The following GPC5 variants were observed in gnomAD, a reference collection of about 807,000 sequenced individuals.
GPC5 encodes glypican 5, also known as glypican-5.
GPC5 carries 47 observed loss-of-function variants against 53.9 expected under a neutral mutation model. The observed-to-expected ratio is 0.87, with a 90% CI of 0.69 to 1.11. The LOEUF (loss-of-function observed/expected upper bound fraction) is 1.11. GPC5 is among the 50% of genes most tolerant of loss of function. The pLI, the probability that GPC5 is intolerant of heterozygous loss-of-function variation, is 0.00. For missense variants in GPC5, 748 were observed against 713.1 expected (o/e 1.05, Z -0.56); for synonymous variants, 286 against 263.3 (o/e 1.09, Z -0.84).
chr13:91,811,911 C>A (rs1314771785), intron 5 of GPC5, among the ~76,000 whole-genome samples: 10 of 152,206 alleles, frequency 6.6e-5, no homozygotes, highest in Non-Finnish European at 2.9e-5. Flanking sequence ...TCTAAATACA[C>A]TTCAACACTC....
At chr13:92,076,462 AT>A (rs2041253137) in intron 6 of GPC5, among the ~76,000 whole-genome samples, 1 of 152,192 alleles carries the variant, frequency 6.6e-6, no homozygotes, top group African/African-American at 2.4e-5. Flanking sequence ...TAATTGCCAA[AT>A]ATCTGAATTC....
At chr13:92,559,052 C>G (rs1882601966) in intron 7 of GPC5, among the ~76,000 whole-genome samples, 1 of 151,922 alleles carries the variant, frequency 6.6e-6, no homozygotes, top group Non-Finnish European at 1.5e-5. Context: ...CCTCCTCTTT[C>G]AAATCCTGCT....
chr13:92,782,071 A>G (rs2138762987), intron 7 of GPC5, among the ~76,000 whole-genome samples: 1 of 145,248 alleles, frequency 6.9e-6, no homozygotes, highest in Admixed American at 6.9e-5. Flanking sequence ...AGGGGAAGGG[A>G]ACGGGAAGGG....
intron 5 of GPC5, among the ~76,000 whole-genome samples, chr13:91,873,956 A>C (rs2039175743): frequency 6.6e-6 from 1 of 152,182 alleles, no homozygotes; most frequent in African/African-American, 2.4e-5. Context: ...TGCTGGGGTC[A>C]CAGGCATGAT....
At chr13:92,190,839 A>G (rs924569438) in intron 7 of GPC5, among the ~76,000 whole-genome samples, 3 of 152,122 alleles carry the variant, frequency 2.0e-5, no homozygotes, top group Non-Finnish European at 1.5e-5. Context: ...GAAAATTATA[A>G]CAAATACGGT....
At chr13:91,521,970 A>G (rs1456921055) in intron 2 of GPC5, among the ~76,000 whole-genome samples, 1 of 152,246 alleles carries the variant, frequency 6.6e-6, no homozygotes, top group Non-Finnish European at 1.5e-5. Flanking sequence ...TCTGTCTACC[A>G]GTTTATTATA....
intron 7 of GPC5, among the ~76,000 whole-genome samples, chr13:92,461,634 G>T (rs189988769): frequency 5.3e-5 from 8 of 152,288 alleles, no homozygotes; most frequent in African/African-American, 1.7e-4. Flanking sequence ...GGCAATAAGG[G>T]CTGAGCCCTC....
chr13:92,709,504 T>G (rs1479165310), intron 7 of GPC5: 1 of 152,218 alleles, frequency 6.6e-6, no homozygotes, highest in Admixed American at 6.5e-5. Flanking sequence ...ATGTTAATGC[T>G]TCTGAGTCAG....
At chr13:92,205,890 T>C (rs968001028) in intron 7 of GPC5, among the ~76,000 whole-genome samples, 10 of 151,642 alleles carry the variant, frequency 6.6e-5, no homozygotes, top group African/African-American at 2.2e-4. Flanking sequence ...CTACTAAAAA[T>C]ACAAAAATTA....
intron 7 of GPC5, among the ~76,000 whole-genome samples, chr13:92,652,397 A>C (rs952591421): frequency 6.6e-6 from 1 of 152,288 alleles, no homozygotes; most frequent in African/African-American, 2.4e-5. Flanking sequence ...TATGCCTTTT[A>C]GTTACCCTGT....
At chr13:92,277,009 T>C (rs1594059509) in intron 7 of GPC5, among the ~76,000 whole-genome samples, 2 of 152,142 alleles carry the variant, frequency 1.3e-5, no homozygotes, top group East Asian at 3.9e-4. Context: ...TTTTTTTCTT[T>C]ACTTTATATT....
At chr13:91,647,216 C>A (rs1169421313) in intron 2 of GPC5, among the ~76,000 whole-genome samples, 1 of 151,556 alleles carries the variant, frequency 6.6e-6, no homozygotes, top group Non-Finnish European at 1.5e-5. Context: ...ATAATGTGCA[C>A]CTCTGTATAA....
intron 7 of GPC5, among the ~76,000 whole-genome samples, chr13:92,742,093 T>G (rs1191369842): frequency 6.6e-6 from 1 of 151,930 alleles, no homozygotes; most frequent in African/African-American, 2.4e-5. Context: ...CCTTTGGGTA[T>G]ATACCCAGTA....
At position 92,103,788 on chromosome 13, in the gene GPC5, T is replaced by A. The variant is rs552120912; in HGVS notation, c.1402-41042T>A. Among the ~76,000 whole-genome samples, 5 of 152,336 alleles carry A rather than the reference T, an allele frequency of 3.3e-5. No homozygotes were observed. In the South Asian group the frequency reaches 1.0e-3, roughly 32 times the overall value. On this transcript the variant is annotated intron_variant, in intron 6 of 7. Coordinates refer to ENST00000377067, the MANE Select transcript of GPC5 (RefSeq NM_004466.6). ...GTTTACAACCCTTAGCCATAACTTC[T>A]TGCTTTGAGCCTCGAGGTCAGCCAG...
rs77962092 is a variant in GPC5, at chr13:92,490,529, T to A, written c.1561+345540T>A. Among the ~76,000 whole-genome samples the A allele has an allele frequency of 9.0e-3, 1,366 of 152,154 alleles. 19 individuals are homozygous for A. Among genetic ancestry groups the A allele is most frequent in the African/African-American group, 0.031 (1,303 of 41,534 alleles). On this transcript the variant is annotated intron_variant, in intron 7 of 7. Coordinates refer to ENST00000377067, the MANE Select transcript of GPC5 (RefSeq NM_004466.6). ...GAAGACTGGCTCTACCACTTAATGG[T>A]TGTATAATAGTAAACACTTTGGTAA...
intron 7 of GPC5, among the ~76,000 whole-genome samples, chr13:92,146,668 C>T (rs1167332396): frequency 6.6e-6 from 1 of 152,066 alleles, no homozygotes; most frequent in Admixed American, 6.6e-5. Context: ...CCTCCTCCCA[C>T]TGTTTCCCCC....
At chr13:92,267,199 T>G (rs549316715) in intron 7 of GPC5, among the ~76,000 whole-genome samples, 1 of 152,144 alleles carries the variant, frequency 6.6e-6, no homozygotes, top group Non-Finnish European at 1.5e-5. Context: ...TAATGTTTCC[T>G]CCATACATCC....
intron 4 of GPC5, among the ~76,000 whole-genome samples, chr13:91,732,198 GT>G (rs1034379407): frequency 4.6e-5 from 7 of 152,102 alleles, no homozygotes; most frequent in African/African-American, 1.7e-4. Context: ...AGCATCTGTT[GT>G]TTTCTGACTC....
At chr13:92,445,941 C>CT (rs541010184) in intron 7 of GPC5, among the ~76,000 whole-genome samples, 31 of 151,472 alleles carry the variant, frequency 2.0e-4, no homozygotes, top group Middle Eastern at 3.4e-3. Flanking sequence ...TATCATTGGT[C>CT]TTTTTTTTAA....
Sources: gnomAD v4.1 joint callset for allele counts (sites outside exome capture counted in the v4.1 genomes callset) on GRCh38, gnomAD v4.1.1 for gene constraint, MANE v1.5 for transcripts, NCBI Gene and HGNC (gene_info 2026-07-23, HGNC 2026-07-21) for gene names.